TBX15: variants seen among roughly 807,000 people sequenced by gnomAD.
TBX15 encodes T-box transcription factor TBX15.
A neutral mutation model predicts 53.9 loss-of-function variants in TBX15; 18 were observed. That is an observed-to-expected ratio of 0.33 (90% CI 0.23 to 0.49). TBX15 has a LOEUF of 0.49. Among genes scored for constraint, TBX15 ranks in the 20% least tolerant of loss-of-function variants. The probability of loss-of-function intolerance (pLI) is 0.98; values close to 1 mark genes in which losing one functional copy is unlikely to be tolerated. For synonymous variants in TBX15, 295 were observed against 278.0 expected, an observed-to-expected ratio of 1.06 and a Z score of -0.61; for missense variants, 692 against 749.5, an observed-to-expected ratio of 0.92 and a Z score of 0.90.
intron 5 of TBX15, among the ~76,000 whole-genome samples, chr1:118,915,886 T>A (rs1250703676): frequency 5.9e-5 from 9 of 152,194 alleles, no homozygotes. Context: ...GGGAAATGGT[T>A]AAAAATATAT....
rs1653851328 is a variant in TBX15 at position 118,884,546 on chromosome 1, G to GC, written c.*185dup. The GC allele has an allele frequency of 2.0e-5, 14 of 698,316 alleles. No homozygotes were observed. Among genetic ancestry groups the GC allele is most frequent in the Non-Finnish European group, 3.0e-5 (13 of 432,038 alleles). 43.3% of individuals were successfully genotyped at this position (698,316 alleles called of 1,614,324 possible). A position where few individuals can be genotyped will look rare whatever the true frequency, so the allele number is the denominator to read the frequency against. On this transcript the variant is annotated 3_prime_UTR_variant, in exon 8 of 8. Transcript: ENST00000369429. ...CCACTGAGTTGCGGATGATTCTATC[G>GC]CAAGTATCCTTCACTGGCTTAAAGG...
chr1:118,934,944 A>C (rs1401316757), intron 1 of TBX15, among the ~76,000 whole-genome samples: 1 of 152,238 alleles, frequency 6.6e-6, no homozygotes, highest in Non-Finnish European at 1.5e-5. Context: ...TGTAAGCAAC[A>C]GCCCACATGT....
chr1:118,889,518 GC>G (rs1287734384), intron 7 of TBX15, among the ~76,000 whole-genome samples: 1 of 152,148 alleles, frequency 6.6e-6, no homozygotes, highest in African/African-American at 2.4e-5. Context: ...TCTTCCCTGT[GC>G]CCTCCTCCCC....
At chr1:118,952,336 C>T (rs1234172290) in intron 1 of TBX15, among the ~76,000 whole-genome samples, 1 of 152,038 alleles carries the variant, frequency 6.6e-6, no homozygotes, top group African/African-American at 2.4e-5. Context: ...GAAGTTATAT[C>T]GAGATTTTTG....
intron 6 of TBX15, among the ~76,000 whole-genome samples, chr1:118,906,556 C>A (rs957599240): frequency 6.6e-6 from 1 of 152,118 alleles, no homozygotes; most frequent in Non-Finnish European, 1.5e-5. Context: ...AGAGGTGGTT[C>A]TTTATAAACA....
chr1:118,957,754 G>A (rs1403757844), intron 1 of TBX15, among the ~76,000 whole-genome samples: 2 of 152,158 alleles, frequency 1.3e-5, no homozygotes, highest in Non-Finnish European at 2.9e-5. Context: ...AGTTTGCTGA[G>A]AATGATGGTT....
intron 7 of TBX15, among the ~76,000 whole-genome samples, chr1:118,888,922 A>T (rs946206): frequency 6.6e-6 from 1 of 151,802 alleles, no homozygotes; most frequent in Non-Finnish European, 1.5e-5. Flanking sequence ...AGAAAAAAAA[A>T]AAAAGGTGGG....
At chr1:118,978,985 A>G (rs966322968) in intron 1 of TBX15, among the ~76,000 whole-genome samples, 1 of 152,188 alleles carries the variant, frequency 6.6e-6, no homozygotes, top group African/African-American at 2.4e-5. Flanking sequence ...TTCAGGAGCA[A>G]GAGTGGAAGA....
intron 1 of TBX15, among the ~76,000 whole-genome samples, chr1:118,958,953 A>T (rs1656778730): frequency 6.6e-6 from 1 of 151,670 alleles, no homozygotes; most frequent in Non-Finnish European, 1.5e-5. Flanking sequence ...CAGTATTATA[A>T]ATACTAATTA....
intron 2 of TBX15, among the ~76,000 whole-genome samples, chr1:118,928,054 A>T (rs1285286473): frequency 6.6e-6 from 1 of 152,144 alleles, no homozygotes; most frequent in Admixed American, 6.5e-5. Context: ...CCATACCCTG[A>T]CCTCAAACAG....
intron 3 of TBX15, among the ~76,000 whole-genome samples, chr1:118,926,000 A>T (rs1002162765): frequency 8.5e-5 from 13 of 152,146 alleles, no homozygotes; most frequent in Non-Finnish European, 1.5e-4. Context: ...AAATTACTTA[A>T]CAATCTCACT....
chr1:118,912,156 A>G (rs1655047259), intron 6 of TBX15, among the ~76,000 whole-genome samples: 1 of 152,218 alleles, frequency 6.6e-6, no homozygotes, highest in Non-Finnish European at 1.5e-5. Context: ...CAAAGAAAAT[A>G]AAATATTTCA....
At chr1:118,960,725 T>A (rs1656844780) in intron 1 of TBX15, among the ~76,000 whole-genome samples, 1 of 152,102 alleles carries the variant, frequency 6.6e-6, no homozygotes, top group Non-Finnish European at 1.5e-5. Context: ...GGCTTCGTGT[T>A]CCAAAGTCCA....
chr1:118,964,886 C>T (rs1159947932), intron 1 of TBX15, among the ~76,000 whole-genome samples: 2 of 152,200 alleles, frequency 1.3e-5, no homozygotes, highest in Non-Finnish European at 2.9e-5. Context: ...GATAAACACC[C>T]TTCATATATT....
chr1:118,893,927 A>G (rs1324247401), intron 7 of TBX15, among the ~76,000 whole-genome samples: 1 of 152,230 alleles, frequency 6.6e-6, no homozygotes. Context: ...GGAAAAAAAT[A>G]GTGAGAAAAA....
At chr1:118,984,991 G>A (rs1657781043) in intron 1 of TBX15, among the ~76,000 whole-genome samples, 1 of 152,126 alleles carries the variant, frequency 6.6e-6, no homozygotes, top group African/African-American at 2.4e-5. Context: ...ATTAAAATCT[G>A]ACCCTAGAGT....
At chr1:118,914,670 A>G (rs1655140914) in intron 5 of TBX15, among the ~76,000 whole-genome samples, 1 of 152,220 alleles carries the variant, frequency 6.6e-6, no homozygotes, top group Non-Finnish European at 1.5e-5. Flanking sequence ...GACCCAAAAA[A>G]TTGACTGCAT....
chr1:118,985,033 G>A (rs1265670094), intron 1 of TBX15, among the ~76,000 whole-genome samples: 1 of 152,166 alleles, frequency 6.6e-6, no homozygotes, highest in African/African-American at 2.4e-5. Flanking sequence ...TGAAGCTCCG[G>A]CAGAGCGGAC....
chr1:118,940,435 T>C (rs1656134585), intron 1 of TBX15, among the ~76,000 whole-genome samples: 1 of 151,932 alleles, frequency 6.6e-6, no homozygotes, highest in Non-Finnish European at 1.5e-5. Context: ...CCTAGACCAT[T>C]AAGCAAAACA....
Sources: gnomAD v4.1 joint callset for allele counts (sites outside exome capture counted in the v4.1 genomes callset) on GRCh38, gnomAD v4.1.1 for gene constraint, MANE v1.5 for transcripts, NCBI Gene and HGNC (gene_info 2026-07-23, HGNC 2026-07-21) for gene names.